The following TMEM223 variants were observed in gnomAD, a reference collection of about 807,000 sequenced individuals.
TMEM223 encodes transmembrane protein 223.
TMEM223 carries 14 observed loss-of-function variants against 14.1 expected under a neutral mutation model. That is an observed-to-expected ratio of 0.99 (90% CI 0.66 to 1.55). The LOEUF is 1.55. Ranked by LOEUF, TMEM223 falls within the 40% of genes most tolerant of loss-of-function variation. TMEM223 has a pLI of 0.00. For missense variants in TMEM223, 346 were observed against 269.9 expected (o/e 1.28, Z -1.97); for synonymous variants, 145 against 120.5 (o/e 1.20, Z -1.33).
intron 2 of TMEM223, chr11:62,774,486 T>C (rs575448718): frequency 2.0e-4 from 85 of 435,434 alleles, no homozygotes; most frequent in African/African-American, 1.5e-3. Flanking sequence ...TGGTGACCCA[T>C]TGATCCCCTG....
chr11:62,789,827 G>A (rs2084337143), downstream of TMEM223: 2 of 1,578,366 alleles, frequency 1.3e-6, no homozygotes, highest in Non-Finnish European at 1.7e-6. Context: ...GTGTGTGGGT[G>A]GGAAGGACTG....
intron 2 of TMEM223, among the ~76,000 whole-genome samples, chr11:62,773,923 GTT>G (rs2084167500): frequency 1.3e-5 from 2 of 152,148 alleles, no homozygotes; most frequent in African/African-American, 4.8e-5. Flanking sequence ...AGGAAGCAGT[GTT>G]CAAAGGTCCT....
chr11:62,786,423 C>T (rs753414777), downstream of TMEM223: 18 of 1,604,506 alleles, frequency 1.1e-5, no homozygotes, highest in South Asian at 1.8e-4. Context: ...CCCTTCCCTG[C>T]ATGAGCTTAG....
At chr11:62,783,918 C>A (rs1395668793), downstream of TMEM223, among the ~76,000 whole-genome samples, 2 of 149,180 alleles carry the variant, frequency 1.3e-5, no homozygotes, top group Non-Finnish European at 3.0e-5. Flanking sequence ...CTTTTGTATA[C>A]CTGGAATAAG....
downstream of TMEM223, chr11:62,786,903 CAT>C: frequency 6.5e-7 from 1 of 1,527,710 alleles, no homozygotes; most frequent in Non-Finnish European, 8.7e-7. Context: ...CGGCAAGCGC[CAT>C]AGTCAGCCCG....
downstream of TMEM223, chr11:62,787,290 G>T: frequency 6.5e-7 from 1 of 1,539,472 alleles, no homozygotes; most frequent in East Asian, 2.3e-5. Flanking sequence ...TGTACTTGCC[G>T]CTCTGAGTCA....
At chr11:62,787,636 C>T (rs1047698794), downstream of TMEM223, 4 of 1,352,636 alleles carry the variant, frequency 3.0e-6, no homozygotes, top group Non-Finnish European at 2.9e-6. Flanking sequence ...GCCGGTGGAC[C>T]TGGTGAGGCA....
chr11:62,776,578 T>TGAGCCACCATGCCC, intron 1 of TMEM223: 5 of 1,091,252 alleles, frequency 4.6e-6, no homozygotes, highest in Non-Finnish European at 5.4e-6. Flanking sequence ...CTGCCGGGCA[T>TGAGCCACCATGCCC]GGTGGCTCAT....
At chr11:62,775,105 G>A (rs534282785) in intron 1 of TMEM223, among the ~76,000 whole-genome samples, 95 of 151,780 alleles carry the variant, frequency 6.3e-4, no homozygotes, top group African/African-American at 2.3e-3. Flanking sequence ...ATGTATAAAG[G>A]AAAGAGGTTT....
At chr11:62,771,610 C>T (rs2084147645), downstream of TMEM223, 1 of 169,080 alleles carries the variant, frequency 5.9e-6, no homozygotes, top group Non-Finnish European at 1.3e-5. Context: ...GACCCAAGTT[C>T]AGTGACCCCT....
intron 1 of TMEM223, among the ~76,000 whole-genome samples, chr11:62,791,448 A>C (rs1049416256): frequency 4.0e-5 from 6 of 151,782 alleles, no homozygotes; most frequent in Admixed American, 3.9e-4. Context: ...TAGTAGACAC[A>C]GGGTTTGACG....
downstream of TMEM223, chr11:62,786,612 G>C (rs141021906): frequency 9.3e-4 from 1,482 of 1,594,332 alleles, 1 homozygote; most frequent in Non-Finnish European, 1.2e-3. Context: ...TGGACGACCT[G>C]CCATGGGACA....
chr11:62,791,787 G>C lies in TMEM223; in HGVS notation c.208C>G (p.Pro70Ala). ...TCCAGAGGCTGCACCGGAACCGGGG[G>C]CCGGGACACGGCTGCCACAGCCATG... The part of the protein sequence containing the change: ...ASMAVAAVSR[P>A]PVPVQPLDAE... Residue 70 changes from proline to alanine, a missense_variant, in exon 1 of 2, where the codon CCC becomes GCC. Coordinates refer to ENST00000307366, the MANE Select transcript of TMEM223 (RefSeq NM_001080501.3). The C allele has an allele frequency of 6.4e-7, 1 of 1,570,294 alleles. No individual in the cohort carries two copies. Among genetic ancestry groups the C allele is most frequent in the Non-Finnish European group, 8.6e-7 (1 of 1,158,626 alleles).
chr11:62,775,566 G>C (rs1426876833), intron 1 of TMEM223: 2 of 544,024 alleles, frequency 3.7e-6, no homozygotes, highest in East Asian at 6.2e-5. Flanking sequence ...CAACACTTTG[G>C]ACTTTGTCTA....
intron 1 of TMEM223, among the ~76,000 whole-genome samples, chr11:62,779,385 C>T (rs1357788647): frequency 6.6e-6 from 1 of 151,916 alleles, no homozygotes; most frequent in Non-Finnish European, 1.5e-5. Flanking sequence ...TTAGTAGAGA[C>T]GGGGTTTCAC....
chr11:62,775,077 A>AG (rs1386816913), intron 1 of TMEM223, among the ~76,000 whole-genome samples: 19 of 151,550 alleles, frequency 1.3e-4, no homozygotes, highest in Admixed American at 6.6e-4. Flanking sequence ...AAAAAAAAAA[A>AG]AAAGAAAAGA....
rs758964860 is a variant in TMEM223, at chr11:62,791,934, T to A, written c.61A>T (p.Thr21Ser). Reference sequence around the variant, plus strand: ...GTCGTGCCTTGCAGGGGCCGGCAGGTGAGCAGGGGCCGCAGCACGGCTAGC... The same window carrying A: ...GTCGTGCCTTGCAGGGGCCGGCAGGAGAGCAGGGGCCGCAGCACGGCTAGC... ...GLLAVLRPLL[T>S]CRPLQGTTLQ... Residue 21 changes from threonine (T) to serine (S), a missense_variant, in exon 1 of 2, where the codon ACC becomes TCC. Coordinates refer to ENST00000307366, the MANE Select transcript of TMEM223 (RefSeq NM_001080501.3). The A allele has an allele frequency of 6.3e-7, 1 of 1,595,020 alleles. No homozygotes were observed. Among genetic ancestry groups the A allele is most frequent in the South Asian group, 1.1e-5 (1 of 88,354 alleles).
chr11:62,788,519 A>T (rs185694537), downstream of TMEM223, among the ~76,000 whole-genome samples: 9 of 152,144 alleles, frequency 5.9e-5, no homozygotes, highest in East Asian at 1.7e-3. Context: ...CCTGGCCAAC[A>T]CGGTGAAACC....
rs1554997115 is a variant in TMEM223 at position 62,781,678 on chromosome 11, A to AAAAAT, written c.315-7014_315-7013insATTTT. ...ACTCGGTCTCAAAAAAAAAAAAAAAAGTTGGACATTCAGGTTGTATTCAGG... is the reference window on the plus strand; with the variant it reads ...ACTCGGTCTCAAAAAAAAAAAAAAAAAAAATGTTGGACATTCAGGTTGTATTCAGG... On this transcript the variant is annotated intron_variant, in intron 1 of 2. Coordinates refer to the TMEM223 transcript ENST00000528367. 2.7e-3 allele frequency: 1,245 copies of AAAAAT among 463,874 alleles called. 4 individuals carry two copies. Among genetic ancestry groups the AAAAAT allele is most frequent in the East Asian group, 5.9e-3 (128 of 21,808 alleles). The allele number at this position is 463,874 out of a possible 1,614,324, so 28.7% of individuals were successfully genotyped here.
Sources: allele counts gnomAD v4.1 joint callset (sites outside exome capture counted in the v4.1 genomes callset), GRCh38; gene constraint gnomAD v4.1.1; transcripts MANE v1.5; gene names NCBI Gene and HGNC (gene_info 2026-07-23, HGNC 2026-07-21).